NDE1: variants seen among roughly 807,000 people sequenced by gnomAD.
The protein encoded by NDE1 is nuclear distribution protein nudE homolog 1.
NDE1 carries 28 observed loss-of-function variants against 43.4 expected under a neutral mutation model. The ratio of observed to expected loss-of-function variants is 0.65; its 90% CI spans 0.48 to 0.89. The LOEUF is 0.89. NDE1 is among the 40% of genes least tolerant of loss of function. The pLI is 0.00. For missense variants in NDE1, 441 were observed against 434.1 expected (o/e 1.02, Z -0.14); for synonymous variants, 184 against 172.0 (o/e 1.07, Z -0.55).
At chr16:15,687,908 A>C (rs533809320) in intron 5 of NDE1, among the ~76,000 whole-genome samples, 3 of 152,310 alleles carry the variant, frequency 2.0e-5, no homozygotes, top group Admixed American at 1.3e-4. Context: ...GAGATCTGGC[A>C]CAGTGGCTCA....
intron 3 of NDE1, among the ~76,000 whole-genome samples, chr16:15,677,491 C>T (rs1183397028): frequency 2.6e-5 from 4 of 151,856 alleles, no homozygotes; most frequent in South Asian, 2.1e-4. Flanking sequence ...GAGGCTGAGG[C>T]AGGAGCATTG....
At chr16:15,656,176 T>A (rs1178143201) in intron 1 of NDE1, among the ~76,000 whole-genome samples, 3 of 151,948 alleles carry the variant, frequency 2.0e-5, no homozygotes, top group Non-Finnish European at 4.4e-5. Context: ...TATGATAAAG[T>A]GAAGTGCAGC....
At chr16:15,690,277 A>G (rs141336837) in intron 5 of NDE1, among the ~76,000 whole-genome samples, 2 of 145,780 alleles carry the variant, frequency 1.4e-5, no homozygotes, top group Non-Finnish European at 3.0e-5. Context: ...ACCTCAAGCA[A>G]TCCTCCCATC....
chr16:15,653,706 C>CAA (rs755713367), intron 1 of NDE1, among the ~76,000 whole-genome samples: 2 of 118,946 alleles, frequency 1.7e-5, no homozygotes, highest in Non-Finnish European at 3.6e-5. Flanking sequence ...GTAAAACATG[C>CAA]AAAAAAAAAA....
intron 1 of NDE1, among the ~76,000 whole-genome samples, chr16:15,653,286 GTCCTTGC>G (rs1390245692): frequency 2.0e-5 from 3 of 152,142 alleles, no homozygotes; most frequent in African/African-American, 7.2e-5. Context: ...TTGAACATGG[GTCCTTGC>G]CTGCCTAAGT....
intron 8 of NDE1, among the ~76,000 whole-genome samples, chr16:15,715,627 T>C (rs1024738460): frequency 2.6e-5 from 4 of 151,550 alleles, no homozygotes; most frequent in African/African-American, 9.7e-5. Context: ...GGGGTTTCTA[T>C]TTTTTTTGCG....
rs1407411472 is a variant in NDE1 at position 15,720,690 on chromosome 16, G to A, written c.948-3501G>A. 1.5e-4 allele frequency: 128 copies of A among 879,520 alleles called. 2 individuals are homozygous for A. Among genetic ancestry groups the A allele is most frequent in the South Asian group, 9.8e-4 (67 of 68,190 alleles). The allele number at this position is 879,520 out of a possible 1,614,324, so 54.5% of individuals were successfully genotyped here. A position where few individuals can be genotyped will look rare whatever the true frequency, so the allele number is the denominator to read the frequency against. On this transcript the variant is annotated intron_variant, in intron 8 of 8. Coordinates refer to ENST00000396354, the MANE Select transcript of NDE1 (RefSeq NM_017668.3). The stretch of plus-strand genomic sequence containing the variant: ...GGAGGTTGCAGTGAGCTGAGATTAC[G>A]CCACTGCACTCCAGCCTGGGCGACA...
At chr16:15,703,707 G>C in intron 8 of NDE1, 1 of 466,626 alleles carries the variant, frequency 2.1e-6, no homozygotes, top group Non-Finnish European at 4.0e-6. Flanking sequence ...TCCTGGCTCA[G>C]CCTCCCTAGT....
intron 3 of NDE1, among the ~76,000 whole-genome samples, chr16:15,677,457 G>A (rs1368015677): frequency 6.6e-6 from 1 of 152,034 alleles, no homozygotes; most frequent in South Asian, 2.1e-4. Context: ...TTGTTGGTGG[G>A]TGGCTGTATT....
intron 3 of NDE1, among the ~76,000 whole-genome samples, chr16:15,675,487 A>G (rs1330845659): frequency 2.2e-5 from 3 of 138,562 alleles, no homozygotes; most frequent in East Asian, 4.3e-4. Flanking sequence ...CCTGGGCGGG[A>G]GTGCAGCGGC....
Position 15,719,158 on chromosome 16 carries a change from A to G in NDE1, c.948-5033A>G, listed in dbSNP as rs949500120. 4 of 1,503,478 alleles carry G rather than the reference A, an allele frequency of 2.7e-6. No homozygotes were observed. The African/African-American group carries it at 5.5e-5, about 21-fold the overall frequency. 93.1% of individuals were successfully genotyped at this position (1,503,478 alleles called of 1,614,324 possible). On this transcript the variant is annotated intron_variant, in intron 8 of 8. Transcript: ENST00000396354. ...AATTTAAAAAATAAAATGGGGGTCG[A>G]GGATGCTGCCTGTCCCCCCATCCTC...
At position 15,678,787 on chromosome 16, in the gene NDE1, G is replaced by A. The variant is rs182234065; in HGVS notation, c.386+838G>A. Among the ~76,000 whole-genome samples, 16 of 152,178 alleles carry A rather than the reference G, an allele frequency of 1.1e-4. No individual in the cohort carries two copies. The East Asian group carries it at 2.1e-3, about 20-fold the overall frequency. ...ATATGAATTATATACAGTGAAATGC[G>A]CAGATGTGGCCAGGCACGGTGGCTC... On this transcript the variant is annotated intron_variant, in intron 4 of 8. Transcript: ENST00000396354.
Position 15,724,289 on chromosome 16 carries a change from C to A in NDE1, c.*38C>A, listed in dbSNP as rs1025147024. On this transcript the variant is annotated 3_prime_UTR_variant, in exon 9 of 9. Coordinates refer to ENST00000396354, the MANE Select transcript of NDE1 (RefSeq NM_017668.3). ...GTCTTTTCCAGTTTATCATAAGCGG[C>A]CGCCTTCTCCTCGTACTGCTGGGTG... The A allele has an allele frequency of 2.2e-5, 36 of 1,614,062 alleles. No homozygotes were observed. The highest frequency in any genetic ancestry group is 2.9e-5 in the Non-Finnish European group (34 of 1,180,042).
rs762803583 is a variant in NDE1, at chr16:15,699,801, G to A, written c.947+2941G>A. 1.1e-5 allele frequency: 15 copies of A among 1,351,386 alleles called. No individual in the cohort carries two copies. The Admixed American group carries it at 1.9e-4, about 17-fold the overall frequency. The allele number at this position is 1,351,386 out of a possible 1,614,324, so 83.7% of individuals were successfully genotyped here. A position where few individuals can be genotyped will look rare whatever the true frequency, so the allele number is the denominator to read the frequency against. ...CATCGCCGCTGCCGTCAGCCCAGGG[G>A]GTAGTCAAGATGTTGCTTTAGGAAA... is the stretch of plus-strand genomic sequence containing the variant. On this transcript the variant is annotated intron_variant, in intron 8 of 8. Transcript: ENST00000396354.
chr16:15,710,233 A>C (rs2039703209), intron 8 of NDE1, among the ~76,000 whole-genome samples: 1 of 152,108 alleles, frequency 6.6e-6, no homozygotes, highest in Non-Finnish European at 1.5e-5. Flanking sequence ...CTAAAGAATC[A>C]CTGGGCCGGC....
At position 15,725,095 on chromosome 16, in the gene NDE1, CACTG is replaced by C. The variant is rs2040684881; in HGVS notation, c.*846_*849del. ...CACATGGGCTAGTACTTGAGGTGTT[CACTG>C]ATTGAGAAAATACCCGTGAGGTATG... is the stretch of plus-strand genomic sequence containing the variant. On this transcript the variant is annotated 3_prime_UTR_variant, in exon 9 of 9. Coordinates refer to ENST00000396354, the MANE Select transcript of NDE1 (RefSeq NM_017668.3). The C allele has an allele frequency of 3.4e-6, 3 of 870,550 alleles. No homozygotes were observed. The East Asian group carries it at 8.0e-5, about 23-fold the overall frequency. 53.9% of individuals were successfully genotyped at this position (870,550 alleles called of 1,614,324 possible). A position where few individuals can be genotyped will look rare whatever the true frequency, so the allele number is the denominator to read the frequency against.
intron 3 of NDE1, among the ~76,000 whole-genome samples, chr16:15,669,041 A>G (rs2037457550): frequency 6.6e-6 from 1 of 151,832 alleles, no homozygotes; most frequent in Admixed American, 6.6e-5. Flanking sequence ...CTAGGACTAC[A>G]GGCGCCTGCC....
At position 15,725,166 on chromosome 16, in the gene NDE1, A is replaced by C. The variant is rs987500017; in HGVS notation, c.*915A>C. On this transcript the variant is annotated 3_prime_UTR_variant, in exon 9 of 9. Transcript: ENST00000396354. Reference sequence around the variant, plus strand: ...AAAAAAAAACACACACACACACAAAAAAAACAGAATCTGTGGCTTGAAGGG... The same window carrying C: ...AAAAAAAAACACACACACACACAAACAAAACAGAATCTGTGGCTTGAAGGG... 12 of 644,756 alleles carry C rather than the reference A, an allele frequency of 1.9e-5. No homozygotes were observed. The highest frequency in any genetic ancestry group is 5.5e-5 in the African/African-American group (3 of 54,326). The allele number at this position is 644,756 out of a possible 1,614,324, so 39.9% of individuals were successfully genotyped here.
At chr16:15,667,883 G>A (rs1365868646) in intron 3 of NDE1, among the ~76,000 whole-genome samples, 2 of 151,720 alleles carry the variant, frequency 1.3e-5, no homozygotes, top group African/African-American at 2.4e-5. Flanking sequence ...ATGATGGGTG[G>A]AGCTTTGAGA....
Sources: allele counts gnomAD v4.1 joint callset (sites outside exome capture counted in the v4.1 genomes callset), GRCh38; gene constraint gnomAD v4.1.1; transcripts MANE v1.5; gene names NCBI Gene and HGNC (gene_info 2026-07-23, HGNC 2026-07-21).